Variants in ZNF169 observed in about 807,000 individuals in gnomAD.
ZNF169 encodes the protein zinc finger protein 169.
A neutral mutation model predicts 12.0 loss-of-function variants in ZNF169; 11 were observed. The observed-to-expected ratio is 0.92, with a 90% CI of 0.58 to 1.52. ZNF169 has a LOEUF of 1.52. Among genes scored for constraint, ZNF169 ranks in the 40% most tolerant of loss-of-function variants. The probability of loss-of-function intolerance (pLI) is 0.00; values close to 1 mark genes in which losing one functional copy is unlikely to be tolerated. For synonymous variants in ZNF169, 302 were observed against 286.5 expected (o/e 1.05, Z -0.55); for missense variants, 722 against 744.0 (o/e 0.97, Z 0.34).
At chr9:94,279,874 G>A (rs1478810166) in intron 2 of ZNF169, among the ~76,000 whole-genome samples, 2 of 152,150 alleles carry the variant, frequency 1.3e-5, no homozygotes, top group Non-Finnish European at 2.9e-5. Flanking sequence ...TTAAAAATTG[G>A]AAGATTATGC....
At chr9:94,292,607 T>TTGTGTGTGTGTGTG (rs138361295) in intron 3 of ZNF169, 140 bp downstream of exon 3, 8,239 of 676,972 alleles carry the variant, frequency 0.012, 28 homozygotes, top group East Asian at 0.063. Context: ...CACAGTGCAG[T>TTGTGTGTGTGTGTG]TGTGTGTGTG....
intron 2 of ZNF169, among the ~76,000 whole-genome samples, chr9:94,282,562 T>C (rs374570983): frequency 1.3e-5 from 2 of 152,216 alleles, no homozygotes; most frequent in African/African-American, 4.8e-5. Flanking sequence ...TATGCATCTA[T>C]GTCAGTGAGC....
intron 1 of ZNF169, among the ~76,000 whole-genome samples, chr9:94,276,121 A>C (rs990378752): frequency 6.6e-6 from 1 of 152,042 alleles, no homozygotes; most frequent in Non-Finnish European, 1.5e-5. Context: ...ATTTGCAGAG[A>C]ACATCGGTTA....
intron 2 of ZNF169, among the ~76,000 whole-genome samples, chr9:94,287,226 C>A (rs140056197): frequency 3.9e-5 from 6 of 152,288 alleles, no homozygotes; most frequent in African/African-American, 1.4e-4. Flanking sequence ...TTCTGTACCC[C>A]TGAAAGGGTA....
intron 4 of ZNF169, among the ~76,000 whole-genome samples, chr9:94,296,587 T>C (rs1287498619): frequency 1.3e-5 from 2 of 152,172 alleles, no homozygotes; most frequent in Admixed American, 1.3e-4. Flanking sequence ...CATACAAATA[T>C]CCAATTTTTC....
chr9:94,261,196 C>G (rs1467434301), intron 1 of ZNF169, among the ~76,000 whole-genome samples: 1 of 152,052 alleles, frequency 6.6e-6, no homozygotes, highest in African/African-American at 2.4e-5. Flanking sequence ...CACGCGCTAC[C>G]ACACCTGGCT....
At chr9:94,266,214 T>C (rs985299577) in intron 1 of ZNF169, among the ~76,000 whole-genome samples, 1 of 152,198 alleles carries the variant, frequency 6.6e-6, no homozygotes, top group African/African-American at 2.4e-5. Context: ...CTTTTAATAT[T>C]TAACTTAACC....
rs183944898 is a variant in ZNF169 at position 94,301,232 on chromosome 9, C to T, written c.1674C>T (p.Ile558=). The change falls in exon 5 of 5, where the codon ATC becomes ATT. Residue 558 remains isoleucine (I), a synonymous_variant. Transcript: ENST00000395395. ...GRGFGFKSAL[I]RHQRTHSGEK... The stretch of plus-strand genomic sequence containing the variant: ...GCTTTGGCTTTAAGTCTGCCCTCAT[C>T]CGACATCAGCGGACCCATTCTGGGG... 8 of 1,613,878 alleles carry T rather than the reference C, an allele frequency of 5.0e-6. No homozygotes were observed. The Admixed American group carries it at 1.0e-4, about 20-fold the overall frequency.
At position 94,300,086 on chromosome 9, in the gene ZNF169, A is replaced by G; in HGVS notation, c.528A>G (p.Val176=). 6.2e-7 allele frequency: 1 copy of G among 1,614,220 alleles called. No homozygotes were observed. Among genetic ancestry groups the G allele is most frequent in the African/African-American group, 1.3e-5 (1 of 75,062 alleles). ...ATCAAGGTGACCCAGTAGAATGGGTAGAAGGGAACAGAGAAGGAGGAACAG... is the reference window on the plus strand; with the variant it reads ...ATCAAGGTGACCCAGTAGAATGGGTGGAAGGGAACAGAGAAGGAGGAACAG... ...SPHQGDPVEW[V]EGNREGGTDL... Residue 176 remains valine (V), a synonymous_variant, in exon 5 of 5, where the codon GTA becomes GTG. Coordinates refer to ENST00000395395, the MANE Select transcript of ZNF169 (RefSeq NM_194320.4).
chr9:94,261,614 A>C (rs1180785368), intron 1 of ZNF169, among the ~76,000 whole-genome samples: 1 of 152,164 alleles, frequency 6.6e-6, no homozygotes, highest in Non-Finnish European at 1.5e-5. Context: ...TGTCTCTTTC[A>C]CTAGGGGTCT....
Position 94,287,763 on chromosome 9 carries a change from A to G in ZNF169, c.34-4578A>G, listed in dbSNP as rs1830745261. 3.4e-5 allele frequency: 48 copies of G among 1,394,126 alleles called. 2 individuals carry two copies. In the South Asian group the frequency reaches 5.3e-4, roughly 15 times the overall value. 86.4% of individuals were successfully genotyped at this position (1,394,126 alleles called of 1,614,324 possible). The stretch of plus-strand genomic sequence containing the variant: ...ACCAGCATTGACGTTCTTGCCATCC[A>G]GGAGAGCTGACAGTGTCAGTTTGAT... On this transcript the variant is annotated intron_variant, in intron 2 of 4. Transcript: ENST00000395395.
At position 94,293,028 on chromosome 9, in the gene ZNF169, C is replaced by G. The variant is rs1536690; in HGVS notation, c.215C>G (p.Pro72Arg). ...LIEQLEQGDE[P>R]WREENEHLLD... ...GAACAGCTGGAGCAAGGCGACGAAC[C>G]TTGGAGAGAGGAGAACGAACATCTT... The change falls in exon 4 of 5, where the codon CCT becomes CGT. Residue 72 changes from proline to arginine, a missense_variant. Physicochemically the swap from Pro to Arg is moderately radical, Grantham distance 103 (BLOSUM62 -2). Coordinates refer to ENST00000395395, the MANE Select transcript of ZNF169 (RefSeq NM_194320.4). 1 of 1,612,470 alleles carries G rather than the reference C, an allele frequency of 6.2e-7. No homozygotes were observed. Among genetic ancestry groups the G allele is most frequent in the African/African-American group, 1.3e-5 (1 of 74,812 alleles).
chr9:94,270,816 A>G (rs1488797875), intron 1 of ZNF169, among the ~76,000 whole-genome samples: 3 of 19,720 alleles, frequency 1.5e-4, no homozygotes, highest in Non-Finnish European at 2.0e-4. Context: ...ATTATATTAT[A>G]TAAATATATA....
chr9:94,278,070 A>AT (rs1329957701), intron 1 of ZNF169, among the ~76,000 whole-genome samples: 1 of 152,306 alleles, frequency 6.6e-6, no homozygotes, highest in African/African-American at 2.4e-5. Context: ...TCCAGTCAAG[A>AT]CCTATACTTG....
Position 94,301,508 on chromosome 9 carries a change from A to G in ZNF169, c.*138A>G, listed in dbSNP as rs1831078711. 1.4e-6 allele frequency: 2 copies of G among 1,424,552 alleles called. No homozygotes were observed. The highest frequency in any genetic ancestry group is 1.8e-6 in the Non-Finnish European group (2 of 1,084,188). The allele number at this position is 1,424,552 out of a possible 1,614,324, so 88.2% of individuals were successfully genotyped here. A position where few individuals can be genotyped will look rare whatever the true frequency, so the allele number is the denominator to read the frequency against. On this transcript the variant is annotated 3_prime_UTR_variant, in exon 5 of 5. Coordinates refer to ENST00000395395, the MANE Select transcript of ZNF169 (RefSeq NM_194320.4). ...AGTTGATTTTTGGTTTACTTTCTAT[A>G]TTCACAATTTGTCTTGGCTTGCTAG...
chr9:94,297,904 C>T (rs111537764), intron 4 of ZNF169, among the ~76,000 whole-genome samples: 3,717 of 152,190 alleles, frequency 0.024, 149 homozygotes, highest in African/African-American at 0.084. Flanking sequence ...CGGTGGCTCA[C>T]GCCTGTAATC....
At chr9:94,297,319 T>C (rs1218152689) in intron 4 of ZNF169, among the ~76,000 whole-genome samples, 1 of 152,216 alleles carries the variant, frequency 6.6e-6, no homozygotes, top group African/African-American at 2.4e-5. Flanking sequence ...TGTTTTGTCA[T>C]TTCTGGTATA....
intron 1 of ZNF169, among the ~76,000 whole-genome samples, chr9:94,270,094 G>T (rs1467888915): frequency 6.6e-6 from 1 of 152,154 alleles, no homozygotes; most frequent in Non-Finnish European, 1.5e-5. Flanking sequence ...GCCCAGGAAA[G>T]GCCTAGGCAA....
chr9:94,278,647 CTG>C, intron 1 of ZNF169, 109 bp from the exon 2 acceptor site: 4 of 580,498 alleles, frequency 6.9e-6, no homozygotes, highest in Non-Finnish European at 1.2e-5. Context: ...CCTCTGCAAC[CTG>C]TCTTTGTTGC....
Sources: gnomAD v4.1 joint callset for allele counts (sites outside exome capture counted in the v4.1 genomes callset) on GRCh38, gnomAD v4.1.1 for gene constraint, MANE v1.5 for transcripts, NCBI Gene and HGNC (gene_info 2026-07-23, HGNC 2026-07-21) for gene names.